The following GCN1 variants were observed in gnomAD, a reference collection of about 807,000 sequenced individuals.
The protein encoded by GCN1 is stalled ribosome sensor GCN1.
In GCN1, 90 loss-of-function variants were observed where a neutral mutation model predicts 288.4. That is an observed-to-expected ratio of 0.31 (90% CI 0.26 to 0.37). GCN1 has a LOEUF of 0.37. Ranked by LOEUF, GCN1 falls within the 10% of genes least tolerant of loss-of-function variation. The probability of loss-of-function intolerance (pLI) is 1.00; values close to 1 mark genes in which losing one functional copy is unlikely to be tolerated. For synonymous variants in GCN1, 1,386 were observed against 1,420.2 expected (o/e 0.98, Z 0.54); for missense variants, 2,586 against 3,419.9 (o/e 0.76, Z 6.08).
At chr12:120,188,392 C>T (rs1878888963) in intron 2 of GCN1, among the ~76,000 whole-genome samples, 1 of 149,398 alleles carries the variant, frequency 6.7e-6, no homozygotes, top group Non-Finnish European at 1.5e-5. Flanking sequence ...AGAGGTCGCG[C>T]CACAGCACTC....
Position 120,168,196 on chromosome 12 carries a change from G to A in GCN1, c.1612+12C>T. On this transcript the variant is annotated intron_variant, in intron 16 of 57. Transcript: ENST00000300648. The stretch of plus-strand genomic sequence containing the variant: ...CTCAATCCCGAGTTCAACTAAGCAT[G>A]GAGTAACTTACCATCCTCTGAAGCC... 1 of 1,429,524 alleles carries A rather than the reference G, an allele frequency of 7.0e-7. No homozygotes were observed. Among genetic ancestry groups the A allele is most frequent in the Non-Finnish European group, 9.9e-7 (1 of 1,011,208 alleles). 88.6% of individuals were successfully genotyped at this position (1,429,524 alleles called of 1,614,324 possible).
rs1031079871 is a variant in GCN1 at position 120,158,769 on chromosome 12, T to C, written c.2750-154A>G. Among the ~76,000 whole-genome samples, 5 of 152,144 alleles carry C rather than the reference T, an allele frequency of 3.3e-5. No individual in the cohort carries two copies. The highest frequency in any genetic ancestry group is 2.0e-4 in the Admixed American group (3 of 15,278). On this transcript the variant is annotated intron_variant, in intron 24 of 57. Transcript: ENST00000300648. The surrounding 1 kb of genome is among the most constrained non-coding windows in gnomAD (Gnocchi z 4.3). ...GGCTGATGCCTGTAATCCCAGCACT[T>C]TGGGAGGCCGAGGCGGGCGGATCAT...
In GCN1 at chr12:120,127,876, C is replaced by G. The variant is rs780313767; in HGVS notation, c.7989G>C (p.Glu2663Asp). 1.2e-6 allele frequency: 2 copies of G among 1,613,928 alleles called. No individual in the cohort carries two copies. The highest frequency in any genetic ancestry group is 3.3e-5 in the Admixed American group (2 of 60,038). The change falls in exon 58 of 58, where the codon GAG becomes GAC. Residue 2663 changes from glutamate to aspartate, a missense_variant. Glu to Asp is a conservative substitution (Grantham distance 45, BLOSUM62 2). Around this residue, in one of 8 missense-constraint regions of GCN1, gnomAD observed 355 missense variants for 431.1 expected, o/e 0.82. Transcript: ENST00000300648. ...ATGTCAGGATGGTGTCGTCCACCTG[C>G]TCCGTGGAGTCGGCCTGGCTGGCCA... is the stretch of plus-strand genomic sequence containing the variant. ...KKLASQADST[E>D]QVDDTILT
intron 56 of GCN1, among the ~76,000 whole-genome samples, 155 bp from the exon 57 acceptor site, chr12:120,129,649 T>G (rs932594667): frequency 6.6e-6 from 1 of 152,186 alleles, no homozygotes; most frequent in Non-Finnish European, 1.5e-5. Context: ...CCTGGTTTCC[T>G]GCACCCTCAT....
rs1594289469 is a variant in GCN1 at position 120,184,246 on chromosome 12, AG to A, written c.186-4del. ...AGGCCCTGCGGGAGGCTGCATCTCT[AG>A]GGGGAGAGGCAAAGGAAAGGGTGAA... is the stretch of plus-strand genomic sequence containing the variant. On this transcript the variant is annotated splice_polypyrimidine_tract_variant and splice_region_variant and intron_variant, in intron 3 of 57. Coordinates refer to ENST00000300648, the MANE Select transcript of GCN1 (RefSeq NM_006836.2). The A allele has an allele frequency of 6.2e-7, 1 of 1,611,400 alleles. No homozygotes were observed.
chr12:120,160,341 C>T, intron 22 of GCN1, 86 bp from the exon 23 acceptor site: 1 of 892,244 alleles, frequency 1.1e-6, no homozygotes, highest in Non-Finnish European at 1.8e-6. Flanking sequence ...TGCTTCCACA[C>T]AAACAGCACC....
chr12:120,182,631 T>C (rs897268469), intron 5 of GCN1, among the ~76,000 whole-genome samples: 1 of 152,078 alleles, frequency 6.6e-6, no homozygotes, highest in Non-Finnish European at 1.5e-5. Context: ...CTCAGCCAAG[T>C]CTCATGGACA....
intron 5 of GCN1, among the ~76,000 whole-genome samples, chr12:120,182,032 AG>A (rs1225299183): frequency 6.6e-6 from 1 of 150,958 alleles, no homozygotes; most frequent in East Asian, 2.0e-4. Context: ...ATATAGTCCC[AG>A]TTATACTCAG....
rs1184023606 is a variant in GCN1 at position 120,157,850 on chromosome 12, T to A, written c.3086A>T (p.Glu1029Val). 6.2e-7 allele frequency: 1 copy of A among 1,612,440 alleles called. No individual in the cohort carries two copies. The highest frequency in any genetic ancestry group is 8.5e-7 in the Non-Finnish European group (1 of 1,178,994). The change falls in exon 26 of 58, where the codon GAG becomes GTG. Residue 1029 changes from glutamate (E) to valine (V), a missense_variant and splice_region_variant. Physicochemically the swap from Glu to Val is moderately radical, Grantham distance 121. Coordinates refer to ENST00000300648, the MANE Select transcript of GCN1 (RefSeq NM_006836.2). The stretch of plus-strand genomic sequence containing the variant: ...GGAGAGCAGAGCTTCCCTGCCAACC[T>A]CGTCCACCCGCCCGGGTGGGGTGTT... Reference protein sequence around the residue: ...SPNTPPGRVDENGPELLPRVA... With the variant: ...SPNTPPGRVDVNGPELLPRVA...
At chr12:120,170,491 C>T (rs1878281512) in intron 14 of GCN1, among the ~76,000 whole-genome samples, 170 bp from the exon 15 acceptor site, 1 of 152,268 alleles carries the variant, frequency 6.6e-6, no homozygotes, top group African/African-American at 2.4e-5. Context: ...TCAAACTCTA[C>T]AGCCACAAAA....
At chr12:120,141,045 G>A in intron 44 of GCN1, 22 bp from the exon 45 acceptor site, 1 of 1,601,588 alleles carries the variant, frequency 6.2e-7, no homozygotes, top group Non-Finnish European at 8.5e-7. Context: ...GACCAATCCA[G>A]GAAGTAAAGT....
intron 16 of GCN1, among the ~76,000 whole-genome samples, chr12:120,165,281 T>C (rs59601514): frequency 0.25 from 37,583 of 152,062 alleles, 6,104 homozygotes; most frequent in East Asian, 0.56. Context: ...GTGATCCACC[T>C]GCCTCAGCCT....
At chr12:120,166,140 C>T (rs1344087746) in intron 16 of GCN1, among the ~76,000 whole-genome samples, 5 of 151,348 alleles carry the variant, frequency 3.3e-5, no homozygotes, top group Non-Finnish European at 4.4e-5. Context: ...CAGTGGCTCA[C>T]GCCTGTAATC....
At chr12:120,132,047 G>C (rs748012373) in intron 53 of GCN1, 25 bp from the exon 54 acceptor site, 1 of 1,452,818 alleles carries the variant, frequency 6.9e-7, no homozygotes, top group African/African-American at 1.4e-5. Context: ...AAGGGAGTGA[G>C]GGGGTGCAGG....
In GCN1 at chr12:120,194,680, C is replaced by T. The variant is rs1248020117; in HGVS notation, c.18G>A (p.Gln6=). 1 of 1,513,790 alleles carries T rather than the reference C, an allele frequency of 6.6e-7. No individual in the cohort carries two copies. Among genetic ancestry groups the T allele is most frequent in the African/African-American group, 1.4e-5 (1 of 69,744 alleles). The allele number at this position is 1,513,790 out of a possible 1,614,324, so 93.8% of individuals were successfully genotyped here. The part of the protein sequence containing the change: MAADT[Q]VSETLKRFAG... ...TTGGCCCCGCAGCCGCCCGCCTCAC[C>T]TGCGTGTCCGCCGCCATCCTGCCGG... The change falls in exon 1 of 58, where the codon CAG becomes CAA. Residue 6 remains glutamine (Q), a splice_region_variant and synonymous_variant. Coordinates refer to ENST00000300648, the MANE Select transcript of GCN1 (RefSeq NM_006836.2).
chr12:120,171,624 T>A (rs1336229646), intron 14 of GCN1, among the ~76,000 whole-genome samples: 1 of 152,220 alleles, frequency 6.6e-6, no homozygotes, highest in African/African-American at 2.4e-5. Context: ...ATCCAAGAAA[T>A]CTTTATTACA....
chr12:120,176,306 T>A, intron 9 of GCN1, 89 bp from the exon 10 acceptor site: 1 of 817,124 alleles, frequency 1.2e-6, no homozygotes, highest in Non-Finnish European at 2.1e-6. Flanking sequence ...CAAATGCCAC[T>A]AGGCCTGCTG....
At chr12:120,190,783 T>C (rs1475509410) in intron 1 of GCN1, among the ~76,000 whole-genome samples, 1 of 152,102 alleles carries the variant, frequency 6.6e-6, no homozygotes, top group East Asian at 1.9e-4. Context: ...AAATATCCCT[T>C]CAGAACTACC....
In GCN1 at chr12:120,147,187, A is replaced by G; in HGVS notation, c.4812T>C (p.Phe1604=). 2 of 1,613,386 alleles carry G rather than the reference A, an allele frequency of 1.2e-6. No individual in the cohort carries two copies. The highest frequency in any genetic ancestry group is 1.7e-6 in the Non-Finnish European group (2 of 1,179,408). Residue 1604 remains phenylalanine, a synonymous_variant, in exon 38 of 58, where the codon TTT becomes TTC. Coordinates refer to ENST00000300648, the MANE Select transcript of GCN1 (RefSeq NM_006836.2). ...KCLQTLLDTK[F]VHFIDAPSLA... is the part of the protein sequence containing the mutation. ...GGGATGGGGCATCAATGAAGTGGAC[A>G]AACTTGGTGTCCAGCAGGGTCTGCA...
Sources: allele counts gnomAD v4.1 joint callset (sites outside exome capture counted in the v4.1 genomes callset), GRCh38; gene constraint gnomAD v4.1.1; regional missense constraint gnomAD v4.1.1; non-coding constraint Gnocchi (gnomAD v3.1); transcripts MANE v1.5; gene names NCBI Gene and HGNC (gene_info 2026-07-23, HGNC 2026-07-21).